Variants in SRBD1 observed in about 807,000 individuals in gnomAD.
SRBD1 encodes S1 RNA-binding domain-containing protein 1.
Under a neutral mutation model 115.3 loss-of-function variants are expected in SRBD1, and 88 were observed. The observed-to-expected ratio is 0.76, with a 90% confidence interval of 0.64 to 0.91. The LOEUF is 0.91. Among genes scored for constraint, SRBD1 ranks in the 40% least tolerant of loss-of-function variants. SRBD1 has a pLI of 0.00. For missense variants in SRBD1, 1,385 were observed against 1,177.4 expected (o/e 1.18, Z -2.58); for synonymous variants, 509 against 407.7 (o/e 1.25, Z -2.99).
intron 19 of SRBD1, among the ~76,000 whole-genome samples, chr2:45,397,484 T>A (rs189899984): frequency 5.9e-5 from 9 of 152,358 alleles, no homozygotes; most frequent in South Asian, 2.1e-4. Context: ...CAGCTGAGAA[T>A]ATCACAGTAC....
intron 5 of SRBD1, among the ~76,000 whole-genome samples, chr2:45,582,160 A>G (rs35610308): frequency 0.22 from 33,094 of 152,118 alleles, 3,846 homozygotes; most frequent in African/African-American, 0.25. Flanking sequence ...ATGCAACTAC[A>G]GTCTCCTTCA....
chr2:45,515,394 GAACCCATATTCTT>G (rs1357326325), intron 14 of SRBD1, among the ~76,000 whole-genome samples: 1 of 152,136 alleles, frequency 6.6e-6, no homozygotes, highest in Non-Finnish European at 1.5e-5. Flanking sequence ...TCTTACTCAA[GAACCCATATTCTT>G]AACCCATATT....
At chr2:45,417,051 T>A (rs1362212149) in intron 18 of SRBD1, among the ~76,000 whole-genome samples, 2 of 152,218 alleles carry the variant, frequency 1.3e-5, no homozygotes, top group Non-Finnish European at 2.9e-5. Context: ...GTGAGTTTTC[T>A]AACCAAGTGT....
At chr2:45,488,184 C>T in intron 15 of SRBD1, 56 bp downstream of exon 15, 2 of 1,462,346 alleles carry the variant, frequency 1.4e-6, no homozygotes, top group Non-Finnish European at 1.9e-6. Context: ...GCATGCCACA[C>T]ATGCTGCCCA....
intron 2 of SRBD1, among the ~76,000 whole-genome samples, chr2:45,603,113 C>G (rs1342052686): frequency 6.6e-6 from 1 of 152,162 alleles, no homozygotes; most frequent in Non-Finnish European, 1.5e-5. Context: ...TCAAACTGAG[C>G]AGGATGACTT....
chr2:45,564,389 C>T (rs1481604078), intron 9 of SRBD1, among the ~76,000 whole-genome samples: 2 of 152,166 alleles, frequency 1.3e-5, no homozygotes, highest in Admixed American at 1.3e-4. Context: ...TCCACTCTCA[C>T]AACATTGTAC....
chr2:45,554,960 T>C, intron 10 of SRBD1, among the ~76,000 whole-genome samples: 1 of 152,152 alleles, frequency 6.6e-6, no homozygotes, highest in Non-Finnish European at 1.5e-5. Context: ...CATCAGCTAC[T>C]ATGAAAGACT....
At chr2:45,608,822 A>ATT (rs1198504872) in intron 1 of SRBD1, among the ~76,000 whole-genome samples, 1 of 143,580 alleles carries the variant, frequency 7.0e-6, no homozygotes, top group Non-Finnish European at 1.5e-5. Flanking sequence ...GAAAAAAAAA[A>ATT]TTTTTTTTTT....
intron 16 of SRBD1, among the ~76,000 whole-genome samples, chr2:45,455,209 T>C (rs1451789138): frequency 6.6e-6 from 1 of 151,990 alleles, no homozygotes; most frequent in Non-Finnish European, 1.5e-5. Context: ...AGATTAATAT[T>C]AGTAAATTTC....
rs1419325192 is a variant in SRBD1 at position 45,570,869 on chromosome 2, C to T, written c.1305+2338G>A. On this transcript the variant is annotated intron_variant, in intron 9 of 20. Coordinates refer to ENST00000263736, the MANE Select transcript of SRBD1 (RefSeq NM_018079.5). ...TTTATTTCACATGCCTTGGAACTTA[C>T]TCAGGACAGAAGAAGCCTCCCAGGT... Among the ~76,000 whole-genome samples the T allele has an allele frequency of 2.0e-5, 3 of 152,118 alleles. No individual in the cohort carries two copies. The East Asian group carries it at 5.8e-4, about 29-fold the overall frequency.
chr2:45,456,028 GA>G (rs970466908), intron 16 of SRBD1, among the ~76,000 whole-genome samples: 86 of 147,916 alleles, frequency 5.8e-4, no homozygotes, highest in African/African-American at 1.8e-3. Context: ...CTGTGAACCA[GA>G]AAAAAAAAAT....
At chr2:45,457,002 A>C (rs1055451775) in intron 16 of SRBD1, among the ~76,000 whole-genome samples, 3 of 151,998 alleles carry the variant, frequency 2.0e-5, no homozygotes, top group African/African-American at 7.2e-5. Flanking sequence ...CCAAAAATAA[A>C]GGTCATGGAT....
intron 14 of SRBD1, among the ~76,000 whole-genome samples, chr2:45,536,312 C>A (rs1419379108): frequency 3.3e-5 from 5 of 151,318 alleles, no homozygotes; most frequent in Non-Finnish European, 7.4e-5. Context: ...AGAAAGGTTC[C>A]TTTCTTTTTT....
At chr2:45,414,685 TACAC>T (rs199906080) in intron 18 of SRBD1, among the ~76,000 whole-genome samples, 15 of 148,740 alleles carry the variant, frequency 1.0e-4, no homozygotes, top group South Asian at 4.2e-4. Context: ...AGTATGTATA[TACAC>T]ACACACATAG....
chr2:45,393,285 T>C (rs1667057188), intron 19 of SRBD1, among the ~76,000 whole-genome samples, 156 bp from the exon 20 acceptor site: 1 of 152,192 alleles, frequency 6.6e-6, no homozygotes, highest in Admixed American at 6.5e-5. Flanking sequence ...CTGTAAACTG[T>C]CCTGAAAAAG....
rs1358474388 is a variant in SRBD1 at position 45,573,234 on chromosome 2, G to A, written c.1278C>T (p.Cys426=). The part of the protein sequence containing the change: ...DKFLLYQHFS[C]NIRNIHHHQI... Reference sequence around the variant, plus strand: ...GATGATGGTGAATGTTTCTTATGTTGCAGGAAAAATGCTGGTAGAGCAGAA... The same window carrying A: ...GATGATGGTGAATGTTTCTTATGTTACAGGAAAAATGCTGGTAGAGCAGAA... Residue 426 remains cysteine (C), a synonymous_variant, in exon 9 of 21, where the codon TGC becomes TGT. Transcript: ENST00000263736. The A allele has an allele frequency of 6.2e-7, 1 of 1,609,342 alleles. No homozygotes were observed. Among genetic ancestry groups the A allele is most frequent in the African/African-American group, 1.3e-5 (1 of 74,622 alleles).
chr2:45,548,459 T>A (rs1051681444), intron 12 of SRBD1, among the ~76,000 whole-genome samples: 1 of 152,006 alleles, frequency 6.6e-6, no homozygotes, highest in East Asian at 1.9e-4. Context: ...TTATATTAAA[T>A]TATGAAAACA....
intron 17 of SRBD1, 33 bp downstream of exon 17, chr2:45,419,755 A>T: frequency 6.3e-7 from 1 of 1,598,994 alleles, no homozygotes; most frequent in Non-Finnish European, 8.6e-7. Flanking sequence ...TAAACTCAAG[A>T]TTCTGTGATC....
At chr2:45,418,614 A>T in intron 17 of SRBD1, 73 bp from the exon 18 acceptor site, 1 of 1,354,152 alleles carries the variant, frequency 7.4e-7, no homozygotes, top group Non-Finnish European at 9.9e-7. Context: ...CATTTGGATC[A>T]TAAAAACGAC....
Sources: allele counts gnomAD v4.1 joint callset (sites outside exome capture counted in the v4.1 genomes callset), GRCh38; gene constraint gnomAD v4.1.1; transcripts MANE v1.5; gene names NCBI Gene and HGNC (gene_info 2026-07-23, HGNC 2026-07-21).